The following AKR1D1 variants were observed in gnomAD, a reference collection of about 807,000 sequenced individuals.
AKR1D1 encodes the protein delta(4)-3-ketosteroid 5-beta-reductase.
A neutral mutation model predicts 42.6 loss-of-function variants in AKR1D1; 32 were observed. That is an observed-to-expected ratio of 0.75 (90% CI 0.57 to 1.01). The LOEUF is 1.01. Among genes scored for constraint, AKR1D1 ranks in the 50% least tolerant of loss-of-function variants. The pLI, the probability that AKR1D1 is intolerant of heterozygous loss-of-function variation, is 0.00. For missense variants in AKR1D1, 364 were observed against 402.2 expected (o/e 0.91, Z 0.81); for synonymous variants, 123 against 135.5 (o/e 0.91, Z 0.64).
intron 4 of AKR1D1, among the ~76,000 whole-genome samples, chr7:138,103,778 T>C (rs1794363655): frequency 6.6e-6 from 1 of 152,152 alleles, no homozygotes; most frequent in Non-Finnish European, 1.5e-5. Flanking sequence ...CAAAAAGATA[T>C]ACTAATTTTA....
chr7:138,105,453 G>C (rs596658), intron 5 of AKR1D1, 24 bp downstream of exon 5: 4 of 1,613,468 alleles, frequency 2.5e-6, no homozygotes, highest in Middle Eastern at 3.6e-4. Flanking sequence ...GCTTCCACTA[G>C]GGTGTGGGGA....
chr7:138,098,801 G>A (rs143710126), intron 4 of AKR1D1, among the ~76,000 whole-genome samples: 2 of 152,074 alleles, frequency 1.3e-5, no homozygotes, highest in Non-Finnish European at 2.9e-5. Context: ...CTCCGACCTA[G>A]AGTAGAAGTC....
chr7:138,080,823 T>G (rs960559042), intron 1 of AKR1D1, among the ~76,000 whole-genome samples: 13 of 152,214 alleles, frequency 8.5e-5, no homozygotes, highest in African/African-American at 3.1e-4. Context: ...TCTCACTATG[T>G]TGCCCAGGCT....
Position 138,116,705 on chromosome 7 carries a change from C to T in AKR1D1, c.*43C>T. On this transcript the variant is annotated 3_prime_UTR_variant, in exon 9 of 9. Coordinates refer to ENST00000242375, the MANE Select transcript of AKR1D1 (RefSeq NM_005989.4). Reference sequence around the variant, plus strand: ...ACAGATTTTTCACTCCCACGAGTGCCAAGACGGTGCAATGGGTAGTCCCCT... The same window carrying T: ...ACAGATTTTTCACTCCCACGAGTGCTAAGACGGTGCAATGGGTAGTCCCCT... The T allele has an allele frequency of 6.4e-7, 1 of 1,563,276 alleles. No individual in the cohort carries two copies. Among genetic ancestry groups the T allele is most frequent in the South Asian group, 1.1e-5 (1 of 90,132 alleles).
At chr7:138,116,588 A>T in intron 8 of AKR1D1, 32 bp from the exon 9 acceptor site, 2 of 1,614,130 alleles carry the variant, frequency 1.2e-6, no homozygotes, top group African/African-American at 1.3e-5. Flanking sequence ...TTTTTGAGTG[A>T]ACTTTTTTCT....
At chr7:138,109,084 C>G (rs899014074) in intron 7 of AKR1D1, among the ~76,000 whole-genome samples, 3 of 152,082 alleles carry the variant, frequency 2.0e-5, no homozygotes, top group African/African-American at 4.8e-5. Context: ...AAACAATCTT[C>G]AACAGGATTT....
intron 7 of AKR1D1, among the ~76,000 whole-genome samples, chr7:138,111,225 T>C (rs1794530390): frequency 6.6e-6 from 1 of 152,216 alleles, no homozygotes; most frequent in African/African-American, 2.4e-5. Flanking sequence ...TTCACATATG[T>C]AGTAACCTCC....
At chr7:138,106,409 C>A (rs1436491501) in intron 5 of AKR1D1, among the ~76,000 whole-genome samples, 199 bp from the exon 6 acceptor site, 1 of 152,020 alleles carries the variant, frequency 6.6e-6, no homozygotes, top group African/African-American at 2.4e-5. Context: ...GAAATCTTAA[C>A]AAAAGATGTT....
Position 138,106,759 on chromosome 7 carries a change from T to G in AKR1D1, c.689+42T>G, listed in dbSNP as rs766781831. ...GAAGCATTTCCTTTGGTGTAGAGTGTGAGGCTCATGTGAACTACTGTATTT... is the reference window on the plus strand; with the variant it reads ...GAAGCATTTCCTTTGGTGTAGAGTGGGAGGCTCATGTGAACTACTGTATTT... On this transcript the variant is annotated intron_variant, in intron 6 of 8. Transcript: ENST00000242375. 4 of 1,453,098 alleles carry G rather than the reference T, an allele frequency of 2.8e-6. No homozygotes were observed. In the African/African-American group the frequency reaches 5.6e-5, roughly 20 times the overall value. The allele number at this position is 1,453,098 out of a possible 1,614,324, so 90.0% of individuals were successfully genotyped here.
intron 6 of AKR1D1, 129 bp downstream of exon 6, chr7:138,106,846 T>C (rs541412697): frequency 8.2e-4 from 610 of 744,478 alleles, no homozygotes; most frequent in Middle Eastern, 1.8e-3. Flanking sequence ...TATATATGAA[T>C]TAGAACTTTT....
At position 138,097,684 on chromosome 7, in the gene AKR1D1, A is replaced by G. The variant is rs10269530; in HGVS notation, c.379-182A>G. On this transcript the variant is annotated intron_variant, in intron 3 of 8. Coordinates refer to ENST00000242375, the MANE Select transcript of AKR1D1 (RefSeq NM_005989.4). Reference sequence around the variant, plus strand: ...ACAAGACAGGTACTGGCATCCCAGGAAGCATGGGCAGGTGTCTTAATCCAG... The same window carrying G: ...ACAAGACAGGTACTGGCATCCCAGGGAGCATGGGCAGGTGTCTTAATCCAG... Among the ~76,000 whole-genome samples, 5,202 of 152,264 alleles carry G rather than the reference A, an allele frequency of 0.034. 314 individuals are homozygous for G. Among genetic ancestry groups the G allele is most frequent in the African/African-American group, 0.12 (4,893 of 41,528 alleles).
chr7:138,098,418 T>C (rs1225579077), intron 4 of AKR1D1: 2 of 156,668 alleles, frequency 1.3e-5, no homozygotes, highest in East Asian at 3.7e-4. Flanking sequence ...GAAACCAGCC[T>C]GGCCAATGTG....
Position 138,116,579 on chromosome 7 carries a change from T to A in AKR1D1, c.939-41T>A, listed in dbSNP as rs774296707. The A allele has an allele frequency of 3.7e-6, 6 of 1,613,744 alleles. No individual in the cohort carries two copies. In the Admixed American group the frequency reaches 8.3e-5, roughly 22 times the overall value. On this transcript the variant is annotated intron_variant, in intron 8 of 8. Transcript: ENST00000242375. ...CTATTGAAACATACAGCTGTGCAAT[T>A]TTTGAGTGAACTTTTTTCTGTGGGG...
rs889848217 is a variant in AKR1D1 at position 138,109,940 on chromosome 7, A to C, written c.855+2360A>C. 2.0e-5 allele frequency among the ~76,000 whole-genome samples: 3 copies of C among 152,160 alleles called. No individual in the cohort carries two copies. In the East Asian group the frequency reaches 5.8e-4, roughly 29 times the overall value. On this transcript the variant is annotated intron_variant, in intron 7 of 8. Coordinates refer to ENST00000242375, the MANE Select transcript of AKR1D1 (RefSeq NM_005989.4). ...CCAGAGAAAATGCCACTCTCCTTGA[A>C]ATTTTCATTGTAACTAATTATGTTA...
rs35802315 is a variant in AKR1D1 at position 138,088,841 on chromosome 7, C to CGTGTGTGTGT, written c.261+80_261+89dup. 8 of 1,230,604 alleles carry CGTGTGTGTGT rather than the reference C, an allele frequency of 6.5e-6. No homozygotes were observed. The African/African-American group carries it at 9.2e-5, about 14-fold the overall frequency. The allele number at this position is 1,230,604 out of a possible 1,614,324, so 76.2% of individuals were successfully genotyped here. On this transcript the variant is annotated intron_variant, in intron 2 of 8. Transcript: ENST00000242375. Reference sequence around the variant, plus strand: ...GTTGTTCATTTTATTATTCATCTTCCGTGTGTGTGTGTGTGTAATTGCACT... The same window carrying CGTGTGTGTGT: ...GTTGTTCATTTTATTATTCATCTTCCGTGTGTGTGTGTGTGTGTGTGTGTGTAATTGCACT...
intron 4 of AKR1D1, among the ~76,000 whole-genome samples, chr7:138,104,281 A>G (rs1792328265): frequency 6.6e-6 from 1 of 152,170 alleles, no homozygotes; most frequent in Non-Finnish European, 1.5e-5. Context: ...GCTAGACCTA[A>G]TTTTATATAT....
intron 7 of AKR1D1, 128 bp from the exon 8 acceptor site, chr7:138,113,562 C>G (rs1227961277): frequency 5.0e-6 from 4 of 795,720 alleles, no homozygotes; most frequent in Non-Finnish European, 6.4e-6. Flanking sequence ...AGCCCCCCAA[C>G]ACCAGCCTGA....
intron 6 of AKR1D1, 99 bp from the exon 7 acceptor site, chr7:138,107,316 G>A (rs753680585): frequency 4.6e-6 from 6 of 1,290,630 alleles, no homozygotes; most frequent in Non-Finnish European, 5.6e-6. Flanking sequence ...GTCCTGGTAG[G>A]TGACTGGGTG....
chr7:138,080,190 A>G (rs868653666), intron 1 of AKR1D1, among the ~76,000 whole-genome samples: 1 of 152,218 alleles, frequency 6.6e-6, no homozygotes, highest in Non-Finnish European at 1.5e-5. Context: ...AGCCATACCT[A>G]TGACTTTATC....
Sources: gnomAD v4.1 joint callset for allele counts (sites outside exome capture counted in the v4.1 genomes callset) on GRCh38, gnomAD v4.1.1 for gene constraint, MANE v1.5 for transcripts, NCBI Gene and HGNC (gene_info 2026-07-23, HGNC 2026-07-21) for gene names.